The following CHD7 variants were observed in gnomAD, a reference collection of about 807,000 sequenced individuals.
CHD7 encodes ATP-dependent chromatin remodeler CHD7.
In CHD7, 24 loss-of-function variants were observed where a neutral mutation model predicts 307.3. The ratio of observed to expected loss-of-function variants is 0.08; its 90% CI spans 0.06 to 0.11. The LOEUF (loss-of-function observed/expected upper bound fraction) is 0.11. CHD7 is among the 10% of genes least tolerant of loss of function. The pLI, the probability that CHD7 is intolerant of heterozygous loss-of-function variation, is 1.00. For missense variants in CHD7, 3,106 were observed against 3,727.1 expected, an observed-to-expected ratio of 0.83 and a Z score of 4.34; for synonymous variants, 1,363 against 1,349.9, an observed-to-expected ratio of 1.01 and a Z score of -0.21.
intron 4 of CHD7, among the ~76,000 whole-genome samples, chr8:60,798,512 A>T (rs1812139802): frequency 6.6e-6 from 1 of 152,170 alleles, no homozygotes; most frequent in Non-Finnish European, 1.5e-5. Context: ...TAAACTTAAG[A>T]TTAAAATCAA....
intron 2 of CHD7, among the ~76,000 whole-genome samples, chr8:60,760,297 A>G (rs898849112): frequency 6.6e-6 from 1 of 151,746 alleles, no homozygotes; most frequent in Admixed American, 6.6e-5. Context: ...CATATGTAGA[A>G]AGCTGAAACT....
At chr8:60,829,650 A>G (rs954407719) in intron 14 of CHD7, among the ~76,000 whole-genome samples, 3 of 152,206 alleles carry the variant, frequency 2.0e-5, no homozygotes, top group Non-Finnish European at 2.9e-5. Context: ...ATATGCTGTA[A>G]GAGTTATGTG....
intron 1 of CHD7, among the ~76,000 whole-genome samples, chr8:60,727,241 C>T (rs909677213): frequency 6.6e-5 from 10 of 152,236 alleles, no homozygotes; most frequent in African/African-American, 2.4e-4. Flanking sequence ...ATCCTCCCAC[C>T]TCAGCCTCCC....
intron 13 of CHD7, among the ~76,000 whole-genome samples, chr8:60,827,422 T>C (rs139634861): frequency 6.6e-6 from 1 of 152,300 alleles, no homozygotes; most frequent in East Asian, 1.9e-4. Flanking sequence ...ACAGCTCAAC[T>C]ACTGCAGTAA....
At chr8:60,810,162 A>G (rs900362514) in intron 7 of CHD7, among the ~76,000 whole-genome samples, 2 of 152,064 alleles carry the variant, frequency 1.3e-5, no homozygotes, top group African/African-American at 4.8e-5. Context: ...TTTTCTTTGA[A>G]CATTTTCTTG....
chr8:60,695,637 G>C (rs937627726), intron 1 of CHD7, among the ~76,000 whole-genome samples: 59 of 152,226 alleles, frequency 3.9e-4, no homozygotes, highest in African/African-American at 1.4e-3. Flanking sequence ...TGTTCTGTGA[G>C]AGAATACAAC....
At chr8:60,849,646 A>G (rs1340177900) in intron 25 of CHD7, among the ~76,000 whole-genome samples, 2 of 152,234 alleles carry the variant, frequency 1.3e-5, no homozygotes, top group Non-Finnish European at 2.9e-5. Context: ...GGGATGCAGA[A>G]CTGGCATGAT....
intron 1 of CHD7, among the ~76,000 whole-genome samples, chr8:60,724,449 A>G (rs1486656818): frequency 6.6e-6 from 1 of 152,234 alleles, no homozygotes; most frequent in Non-Finnish European, 1.5e-5. Flanking sequence ...CATGCAAGGC[A>G]TTTTGTTAAA....
Position 60,821,977 on chromosome 8 carries a change from T to G in CHD7, c.2836-47T>G, listed in dbSNP as rs374801094. The G allele has an allele frequency of 3.7e-6, 6 of 1,613,340 alleles. No individual in the cohort carries two copies. In the African/African-American group the frequency reaches 8.0e-5, roughly 22 times the overall value. On this transcript the variant is annotated intron_variant, in intron 10 of 37. Transcript: ENST00000423902. ...ATTTAATTTGAAAATAGCATAGTGG[T>G]GTGGTCTTTGGGAAACCACTAATGG...
intron 3 of CHD7, among the ~76,000 whole-genome samples, chr8:60,792,457 A>G (rs1001208353): frequency 1.3e-5 from 2 of 152,158 alleles, no homozygotes; most frequent in African/African-American, 4.8e-5. Flanking sequence ...GGAAATGCTT[A>G]GCTGTCCGTT....
intron 9 of CHD7, among the ~76,000 whole-genome samples, chr8:60,821,530 G>A (rs1804031118): frequency 6.6e-6 from 1 of 150,850 alleles, no homozygotes; most frequent in Non-Finnish European, 1.5e-5. Flanking sequence ...AAATATACAT[G>A]TATATGTATA....
At chr8:60,750,144 G>A (rs1384190375) in intron 2 of CHD7, among the ~76,000 whole-genome samples, 1 of 152,148 alleles carries the variant, frequency 6.6e-6, no homozygotes, top group Non-Finnish European at 1.5e-5. Flanking sequence ...CAAAAATTTT[G>A]TAGGTGATAA....
chr8:60,718,613 A>T (rs182396905), intron 1 of CHD7, among the ~76,000 whole-genome samples: 1 of 152,262 alleles, frequency 6.6e-6, no homozygotes, highest in Non-Finnish European at 1.5e-5. Context: ...TCGTCTTTTA[A>T]GTTGTAAAAG....
In CHD7 at chr8:60,853,177, T is replaced by C; in HGVS notation, c.6452T>C (p.Val2151Ala). Residue 2151 changes from valine (V) to alanine (A), a missense_variant, in exon 31 of 38, where the codon GTC (valine) becomes GCC (alanine). This residue lies in a region of CHD7 where 1,030 missense variants were observed against 1,165.4 expected (regional missense o/e 0.88). Coordinates refer to ENST00000423902, the MANE Select transcript of CHD7 (RefSeq NM_017780.4). ...SSLNPLAVGF[V>A]QTPPVISSAH... ...TTGAACCCACTGGCAGTTGGATTTGTCCAGACTCCTCCAGTCATCTCATCT... is the reference window on the plus strand; with the variant it reads ...TTGAACCCACTGGCAGTTGGATTTGCCCAGACTCCTCCAGTCATCTCATCT... 6.2e-7 allele frequency: 1 copy of C among 1,613,870 alleles called. No individual in the cohort carries two copies. Among genetic ancestry groups the C allele is most frequent in the South Asian group, 1.1e-5 (1 of 91,052 alleles).
At chr8:60,808,337 T>G in intron 7 of CHD7, 65 bp downstream of exon 7, 1 of 988,744 alleles carries the variant, frequency 1.0e-6, no homozygotes, top group Non-Finnish European at 1.5e-6. Flanking sequence ...ACGACCATTT[T>G]TTTTTAAAGT....
chr8:60,772,539 G>A (rs1810760563), intron 2 of CHD7, among the ~76,000 whole-genome samples: 2 of 152,218 alleles, frequency 1.3e-5, no homozygotes, highest in Non-Finnish European at 2.9e-5. Flanking sequence ...TTGATCCTTA[G>A]TAAGCTGGGT....
intron 18 of CHD7, 70 bp from the exon 19 acceptor site, chr8:60,838,006 G>A (rs1304494434): frequency 1.9e-5 from 25 of 1,306,322 alleles, no homozygotes; most frequent in South Asian, 3.4e-5. Context: ...GAAAAATGCA[G>A]CATTTGTTTA....
chr8:60,833,376 C>G (rs1221881244), intron 15 of CHD7, among the ~76,000 whole-genome samples: 1 of 152,082 alleles, frequency 6.6e-6, no homozygotes, highest in African/African-American at 2.4e-5. Context: ...TCCAAGGTAC[C>G]CTGCTGGTTA....
intron 2 of CHD7, among the ~76,000 whole-genome samples, chr8:60,774,911 C>G (rs1474315667): frequency 6.6e-6 from 1 of 152,116 alleles, no homozygotes; most frequent in Non-Finnish European, 1.5e-5. Flanking sequence ...CACTCCACTC[C>G]TAAATATGGA....
Sources: gnomAD v4.1 joint callset for allele counts (sites outside exome capture counted in the v4.1 genomes callset) on GRCh38, gnomAD v4.1.1 for gene constraint, gnomAD v4.1.1 regional missense constraint, MANE v1.5 for transcripts, NCBI Gene and HGNC (gene_info 2026-07-23, HGNC 2026-07-21) for gene names.